The following COL4A5 variants were observed in gnomAD, a reference collection of about 807,000 sequenced individuals.
COL4A5 encodes the protein collagen type IV alpha 5 chain, also known as collagen alpha-5(IV) chain.
Under a neutral mutation model 130.2 loss-of-function variants are expected in COL4A5, and 26 were observed. That is an observed-to-expected ratio of 0.20 (90% confidence interval 0.15 to 0.28). The LOEUF is 0.28. Ranked by LOEUF, COL4A5 falls within the 10% of genes least tolerant of loss-of-function variation. COL4A5 has a pLI of 1.00. For synonymous variants in COL4A5, 496 were observed against 439.6 expected (o/e 1.13, Z -1.60); for missense variants, 1,131 against 1,344.3 (o/e 0.84, Z 2.48).
rs747003888 is a variant in COL4A5 at position 108,591,241 on chromosome X, A to G, written c.1339+10A>G. The stretch of plus-strand genomic sequence containing the variant: ...CCTCACATTCCTCCTAGTAAGCTAT[A>G]TTTTTCTCCTATTAAGTTCTATTTT... On this transcript the variant is annotated intron_variant, in intron 20 of 52. Coordinates refer to ENST00000328300, the MANE Select transcript of COL4A5 (RefSeq NM_033380.3). 1.0e-5 allele frequency: 12 copies of G among 1,199,355 alleles called. No homozygotes were observed. In the South Asian group the frequency reaches 1.9e-4, roughly 19 times the overall value.
intron 52 of COL4A5, chrX:108,695,686 G>T: frequency 2.7e-6 from 1 of 368,927 alleles, no homozygotes; most frequent in Non-Finnish European, 4.8e-6. Flanking sequence ...CAGAGATAAA[G>T]AAAGGTTATG....
chrX:108,623,838 C>G (rs1048966181), intron 33 of COL4A5, among the ~76,000 whole-genome samples: 5 of 111,967 alleles, frequency 4.5e-5, no homozygotes, highest in Non-Finnish European at 9.4e-5. Context: ...TTACCCCTTG[C>G]AAGGCTTCTT....
chrX:108,572,616 C>G (rs2066082479), intron 8 of COL4A5, among the ~76,000 whole-genome samples: 2 of 111,809 alleles, frequency 1.8e-5, no homozygotes, highest in African/African-American at 3.2e-5. Context: ...TTCATTCCCA[C>G]TGTTACCACG....
chrX:108,469,169 C>CTTTTTTTTTTT (rs529015725), intron 1 of COL4A5, among the ~76,000 whole-genome samples: 1 of 77,676 alleles, frequency 1.3e-5, no homozygotes, highest in African/African-American at 4.8e-5. Flanking sequence ...CTCTCTCTCT[C>CTTTTTTTTTTT]TTTTTTTTTT....
chrX:108,444,401 A>G (rs989462244), intron 1 of COL4A5, among the ~76,000 whole-genome samples: 3 of 110,445 alleles, frequency 2.7e-5, no homozygotes. Context: ...TTGCATTTTT[A>G]GTAGAGACGG....
chrX:108,603,205 A>C (rs1449596242), intron 28 of COL4A5, 144 bp downstream of exon 28: 3 of 397,271 alleles, frequency 7.6e-6, no homozygotes, highest in Non-Finnish European at 1.3e-5. Flanking sequence ...ATTTCCATTA[A>C]AAAAATATTT....
intron 1 of COL4A5, among the ~76,000 whole-genome samples, chrX:108,521,236 A>G (rs1180011469): frequency 9.0e-6 from 1 of 111,373 alleles, no homozygotes; most frequent in East Asian, 2.8e-4. Context: ...TACTGCATTT[A>G]TTTATTCTCT....
At chrX:108,606,967 G>A (rs2066739726) in intron 29 of COL4A5, 75 bp downstream of exon 29, 1 of 1,058,673 alleles carries the variant, frequency 9.4e-7, no homozygotes, top group Non-Finnish European at 1.3e-6. Context: ...AAGTTTATGG[G>A]TGATAAGCCC....
At chrX:108,602,855 C>T (rs2066658364) in intron 27 of COL4A5, 109 bp from the exon 28 acceptor site, 1 of 551,750 alleles carries the variant, frequency 1.8e-6, no homozygotes, top group Non-Finnish European at 3.1e-6. Context: ...GTGCTTTTGA[C>T]ATCTTACTGT....
At chrX:108,538,792 G>C (rs1278303412) in intron 1 of COL4A5, among the ~76,000 whole-genome samples, 1 of 111,948 alleles carries the variant, frequency 8.9e-6, no homozygotes, top group African/African-American at 3.2e-5. Context: ...TTTCTAAGCA[G>C]TTCATTTTCT....
intron 1 of COL4A5, among the ~76,000 whole-genome samples, chrX:108,468,814 C>T (rs1353927605): frequency 9.2e-6 from 1 of 108,845 alleles, no homozygotes; most frequent in East Asian, 2.8e-4. Flanking sequence ...GACTATTAAT[C>T]TATAATTTTA....
chrX:108,542,424 A>G (rs1733699956), intron 2 of COL4A5, among the ~76,000 whole-genome samples: 2 of 110,971 alleles, frequency 1.8e-5, no homozygotes, highest in Non-Finnish European at 3.8e-5. Context: ...ATGTCCCTAC[A>G]AAGGACATGA....
rs776106671 is a variant in COL4A5, at chrX:108,687,597, G to C, written c.4431G>C (p.Thr1477=). Residue 1477 remains threonine (T), a synonymous_variant, in exon 49 of 53, where the codon ACG becomes ACC. Transcript: ENST00000328300. ...TTATTACACGCCACAGCCAGACAAC[G>C]GATGCACCACAATGCCCACAGGGAA... is the stretch of plus-strand genomic sequence containing the variant. ...GFLITRHSQT[T]DAPQCPQGTL... The C allele has an allele frequency of 8.3e-7, 1 of 1,211,206 alleles. No individual in the cohort carries two copies. Among genetic ancestry groups the C allele is most frequent in the South Asian group, 1.8e-5 (1 of 56,970 alleles).
intron 36 of COL4A5, among the ~76,000 whole-genome samples, chrX:108,644,918 AC>A (rs1357769180): frequency 1.4e-3 from 133 of 93,946 alleles, no homozygotes; most frequent in African/African-American, 5.7e-3. Flanking sequence ...AACAACAACA[AC>A]AAAAAAAAAA....
chrX:108,598,344 T>C (rs1163946810), intron 24 of COL4A5, among the ~76,000 whole-genome samples: 1 of 112,296 alleles, frequency 8.9e-6, no homozygotes, highest in African/African-American at 3.2e-5. Context: ...AACAATCTTA[T>C]TTTGTACATA....
At chrX:108,528,819 A>G (rs1257553960) in intron 1 of COL4A5, among the ~76,000 whole-genome samples, 1 of 112,505 alleles carries the variant, frequency 8.9e-6, no homozygotes, top group African/African-American at 3.2e-5. Flanking sequence ...ATTTGGGACA[A>G]CATAAATTGA....
chrX:108,591,606 C>T lies in COL4A5; in HGVS notation c.1385C>T (p.Pro462Leu). The stretch of plus-strand genomic sequence containing the variant: ...GGCCCTCCAGGCCCCCCAGGATCTC[C>T]AGGTGATAAAGGACTCCAAGGAGAA... ...EPGPPGPPGSPGDKGLQGEQG... is the reference protein window; with the variant it reads ...EPGPPGPPGSLGDKGLQGEQG... Residue 462 changes from proline to leucine, a missense_variant, in exon 21 of 53, where the codon CCA becomes CTA. Coordinates refer to ENST00000328300, the MANE Select transcript of COL4A5 (RefSeq NM_033380.3). The T allele has an allele frequency of 8.3e-7, 1 of 1,209,076 alleles. No individual in the cohort carries two copies. Among genetic ancestry groups the T allele is most frequent in the Non-Finnish European group, 1.1e-6 (1 of 893,132 alleles).
intron 1 of COL4A5, among the ~76,000 whole-genome samples, chrX:108,483,225 G>GTGTA (rs202169420): frequency 8.5e-5 from 9 of 105,438 alleles, no homozygotes; most frequent in East Asian, 3.0e-4. Flanking sequence ...GTGTGTGTAT[G>GTGTA]TGTGTGTGTG....
chrX:108,589,353 G>C (rs765169693), intron 19 of COL4A5, among the ~76,000 whole-genome samples: 9 of 110,538 alleles, frequency 8.1e-5, no homozygotes, highest in Non-Finnish European at 1.7e-4. Flanking sequence ...CTCATATATA[G>C]TATAAGTTAA....
Sources: allele counts gnomAD v4.1 joint callset (sites outside exome capture counted in the v4.1 genomes callset), GRCh38; gene constraint gnomAD v4.1.1; transcripts MANE v1.5; gene names NCBI Gene and HGNC (gene_info 2026-07-23, HGNC 2026-07-21).